TPM1: variants seen among roughly 807,000 people sequenced by gnomAD.
TPM1 encodes tropomyosin alpha-1 chain.
A neutral mutation model predicts 42.9 loss-of-function variants in TPM1; 24 were observed. The ratio of observed to expected loss-of-function variants is 0.56; its 90% confidence interval spans 0.41 to 0.79. The LOEUF (loss-of-function observed/expected upper bound fraction) is 0.79, where lower values mean the gene tolerates loss of function less well. Ranked by LOEUF, TPM1 falls within the 30% of genes least tolerant of loss-of-function variation. The pLI, the probability that TPM1 is intolerant of heterozygous loss-of-function variation, is 0.00. For missense variants in TPM1, 158 were observed against 351.8 expected (o/e 0.45, Z 4.41); for synonymous variants, 136 against 130.1 (o/e 1.05, Z -0.31).
intron 1 of TPM1, chr15:63,043,760 C>A: frequency 1.3e-6 from 2 of 1,549,702 alleles, no homozygotes; most frequent in Non-Finnish European, 8.7e-7. Flanking sequence ...GGAGGACGAG[C>A]GGGACCGGGT....
chr15:63,068,780 A>G (rs1300694638), downstream of TPM1, among the ~76,000 whole-genome samples: 1 of 152,300 alleles, frequency 6.6e-6, no homozygotes, highest in East Asian at 1.9e-4. Flanking sequence ...GCTGGTCTTC[A>G]TGTAGGTGTT....
intron 8 of TPM1, chr15:63,062,872 A>G: frequency 2.0e-6 from 3 of 1,514,688 alleles, no homozygotes; most frequent in South Asian, 2.5e-5. Context: ...AATGCCATCC[A>G]GCTTGACTTC....
Position 63,065,921 on chromosome 15 carries a change from C to G in TPM1, c.*22C>G. 2 of 1,611,076 alleles carry G rather than the reference C, an allele frequency of 1.2e-6. No individual in the cohort carries two copies. Among genetic ancestry groups the G allele is most frequent in the Non-Finnish European group, 1.7e-6 (2 of 1,178,930 alleles). ...ATAAGTTTCTTTGCTTCACTTCTCC[C>G]AAGACTCCCTCGTCGAGCTGGATGT... On this transcript the variant is annotated 3_prime_UTR_variant, in exon 10 of 10. Transcript: ENST00000403994.
At chr15:63,043,091 A>C (rs2031513798) in intron 1 of TPM1, 148 bp downstream of exon 1, 1 of 693,664 alleles carries the variant, frequency 1.4e-6, no homozygotes, top group Admixed American at 2.4e-5. Context: ...GTCTGGAAAG[A>C]AGGAAGGGAA....
At chr15:63,043,079 G>A in intron 1 of TPM1, 136 bp downstream of exon 1, 1 of 752,080 alleles carries the variant, frequency 1.3e-6, no homozygotes, top group Non-Finnish European at 2.3e-6. Flanking sequence ...GCCAGGGCGC[G>A]CGTCTGGAAA....
chr15:63,048,247 G>C (rs1275448845), intron 2 of TPM1: 7 of 499,258 alleles, frequency 1.4e-5, no homozygotes, highest in Non-Finnish European at 2.6e-5. Flanking sequence ...TGGCCTCCCG[G>C]AGCGCCCAGC....
At chr15:63,048,800 C>T in intron 2 of TPM1, 3 of 1,481,616 alleles carry the variant, frequency 2.0e-6, no homozygotes, top group Non-Finnish European at 2.7e-6. Flanking sequence ...CCGCAGGCCC[C>T]GGTCCCTCGT....
chr15:63,048,367 G>A, intron 2 of TPM1: 1 of 1,305,158 alleles, frequency 7.7e-7, no homozygotes, highest in East Asian at 3.6e-5. Flanking sequence ...CCTCCCAGCC[G>A]CGCGCGCCCG....
chr15:63,051,817 C>G (rs1596335919), intron 2 of TPM1, among the ~76,000 whole-genome samples: 1 of 151,650 alleles, frequency 6.6e-6, no homozygotes, highest in East Asian at 1.9e-4. Flanking sequence ...GTAAAAGTCA[C>G]TGCCATTTTT....
chr15:63,061,114 T>C (rs889013368), intron 5 of TPM1, 175 bp downstream of exon 5: 8 of 1,493,496 alleles, frequency 5.4e-6, no homozygotes, highest in African/African-American at 4.1e-5. Context: ...GGGTGTCTTA[T>C]GTATGAATGC....
intron 9 of TPM1, chr15:63,064,731 C>T (rs948666133): frequency 4.9e-5 from 44 of 902,178 alleles, no homozygotes; most frequent in Admixed American, 1.8e-4. Flanking sequence ...TTTGGGAGGC[C>T]GAGGCGGGCG....
intron 2 of TPM1, chr15:63,047,959 C>T: frequency 3.5e-6 from 1 of 286,808 alleles, no homozygotes; most frequent in Non-Finnish European, 6.8e-6. Context: ...CCACTGTGCT[C>T]TACACGCGGG....
At chr15:63,044,206 G>C (rs1256785515) in intron 2 of TPM1, 54 bp downstream of exon 2, 1 of 1,613,640 alleles carries the variant, frequency 6.2e-7, no homozygotes, top group African/African-American at 1.3e-5. Flanking sequence ...GGCCACTCCG[G>C]GGTCACCACA....
intron 9 of TPM1, chr15:63,064,927 A>G: frequency 1.1e-6 from 1 of 903,754 alleles, no homozygotes; most frequent in Non-Finnish European, 1.3e-6. Context: ...AGATCGCACC[A>G]CCGCACTCCA....
downstream of TPM1, among the ~76,000 whole-genome samples, chr15:63,066,980 C>CAATTAAGTGATTTTTGTTAAATCACA (rs1395484890): frequency 3.3e-5 from 5 of 151,820 alleles, no homozygotes; most frequent in African/African-American, 1.2e-4. Context: ...ATTTCACAAA[C>CAATTAAGTGATTTTTGTTAAATCACA]AGCAATTAAG....
At chr15:63,065,189 T>C (rs2036145233) in intron 9 of TPM1, 1 of 985,572 alleles carries the variant, frequency 1.0e-6, no homozygotes, top group South Asian at 4.7e-5. Flanking sequence ...AGTCTTGTTA[T>C]CATGAGAAGA....
At chr15:63,063,357 G>A (rs2035902216) in intron 8 of TPM1, 1 of 985,332 alleles carries the variant, frequency 1.0e-6, no homozygotes, top group African/African-American at 1.7e-5. Flanking sequence ...ATGACAAATG[G>A]TTGCAAAATG....
intron 8 of TPM1, chr15:63,063,755 G>A: frequency 3.2e-6 from 1 of 310,410 alleles, no homozygotes; most frequent in Non-Finnish European, 6.0e-6. Flanking sequence ...CCAGGAGACA[G>A]CCTTCTGTGG....
chr15:63,060,621 G>A (rs900093350), intron 4 of TPM1, among the ~76,000 whole-genome samples: 1 of 152,168 alleles, frequency 6.6e-6, no homozygotes, highest in Non-Finnish European at 1.5e-5. Context: ...GGTTCACCTA[G>A]GTCAGACTTC....
Sources: allele counts gnomAD v4.1 joint callset (sites outside exome capture counted in the v4.1 genomes callset), GRCh38; gene constraint gnomAD v4.1.1; transcripts MANE v1.5; gene names NCBI Gene and HGNC (gene_info 2026-07-23, HGNC 2026-07-21).